Variants in CHD5 observed in about 807,000 individuals in gnomAD.
The protein encoded by CHD5 is chromodomain helicase DNA binding protein 5.
CHD5 carries 69 observed loss-of-function variants against 230.3 expected under a neutral mutation model. The ratio of observed to expected loss-of-function variants is 0.30; its 90% CI spans 0.25 to 0.37. The LOEUF (loss-of-function observed/expected upper bound fraction) is 0.37, where lower values mean the gene tolerates loss of function less well. CHD5 is among the 10% of genes least tolerant of loss of function. The pLI, the probability that CHD5 is intolerant of heterozygous loss-of-function variation, is 1.00. For missense variants in CHD5, 1,827 were observed against 2,622.8 expected (o/e 0.70, Z 6.63); for synonymous variants, 1,064 against 1,065.9 (o/e 1.00, Z 0.03).
chr1:6,124,948 C>T, intron 29 of CHD5, 152 bp downstream of exon 29: 1 of 848,524 alleles, frequency 1.2e-6, no homozygotes, highest in Non-Finnish European at 1.8e-6. Flanking sequence ...GGCACCAGGA[C>T]TCTAGCCACC....
intron 7 of CHD5, among the ~76,000 whole-genome samples, chr1:6,149,709 AATGG>A (rs4068875): frequency 0.089 from 13,378 of 150,752 alleles, 754 homozygotes; most frequent in East Asian, 0.14. Flanking sequence ...TGGATGGACA[AATGG>A]ATGGATGGAT....
At chr1:6,150,917 T>C in intron 7 of CHD5, 115 bp downstream of exon 7, 1 of 1,281,842 alleles carries the variant, frequency 7.8e-7, no homozygotes, top group Non-Finnish European at 1.0e-6. Flanking sequence ...CACGGGGAGG[T>C]TCCATGCCCC....
chr1:6,143,531 G>C (rs374892181), intron 13 of CHD5, among the ~76,000 whole-genome samples: 148 of 152,272 alleles, frequency 9.7e-4, no homozygotes, highest in African/African-American at 3.3e-3. Context: ...ACTGGCCCTC[G>C]TCTCCTCAGG....
rs1666138622 is a variant in CHD5, at chr1:6,105,054, TCGGTAAAGAG to T, written c.*410_*419del. 1.7e-5 allele frequency: 5 copies of T among 292,468 alleles called. No individual in the cohort carries two copies. The highest frequency in any genetic ancestry group is 1.1e-4 in the African/African-American group (5 of 45,024). The allele number at this position is 292,468 out of a possible 1,614,324, so 18.1% of individuals were successfully genotyped here. On this transcript the variant is annotated 3_prime_UTR_variant, in exon 42 of 42. Coordinates refer to ENST00000262450, the MANE Select transcript of CHD5 (RefSeq NM_015557.3). This position sits in a 1 kb window ranked among gnomAD's most constrained non-coding sequence, Gnocchi z 4.8. ...AGGACTACCTTGGGTCTGGAACCCATCGGTAAAGAGACATCAGTGCTGCAGGTTCGAATCT... is the reference window on the plus strand; with the variant it reads ...AGGACTACCTTGGGTCTGGAACCCATACATCAGTGCTGCAGGTTCGAATCT...
At chr1:6,143,001 C>T (rs980101151) in intron 13 of CHD5, among the ~76,000 whole-genome samples, 1 of 152,148 alleles carries the variant, frequency 6.6e-6, no homozygotes, top group Non-Finnish European at 1.5e-5. Flanking sequence ...AAACGAACAT[C>T]CATCTGGGGC....
rs1666870517 is a variant in CHD5 at position 6,143,904 on chromosome 1, C to T, written c.1962G>A (p.Arg654=). 1.2e-6 allele frequency: 2 copies of T among 1,613,992 alleles called. No homozygotes were observed. The change falls in exon 13 of 42, where the codon AGG becomes AGA. Residue 654 remains arginine (R), a synonymous_variant. Transcript: ENST00000262450. ...CCTTCTTGAGCAGCCTCTTGGGCAGCCTGGTGTCTTCTCCCAGCATCAGCT... is the reference window on the plus strand; with the variant it reads ...CCTTCTTGAGCAGCCTCTTGGGCAGTCTGGTGTCTTCTCCCAGCATCAGCT... The part of the protein sequence containing the change: ...HRELMLGEDT[R]LPKRLLKKGK...
chr1:6,120,970 G>T, intron 33 of CHD5, 135 bp downstream of exon 33: 1 of 1,032,136 alleles, frequency 9.7e-7, no homozygotes, highest in Non-Finnish European at 1.3e-6. Context: ...CTCACCAGGG[G>T]GCCTGCAGAG....
At chr1:6,176,995 TG>T (rs760094489) in intron 1 of CHD5, among the ~76,000 whole-genome samples, 1 of 152,218 alleles carries the variant, frequency 6.6e-6, no homozygotes, top group Non-Finnish European at 1.5e-5. Flanking sequence ...ATGCCAGAGC[TG>T]GCCAGGGCAA....
chr1:6,168,427 T>A, intron 1 of CHD5, 150 bp from the exon 2 acceptor site: 1 of 892,208 alleles, frequency 1.1e-6, no homozygotes, highest in Non-Finnish European at 1.7e-6. Context: ...CCCAGTGAAG[T>A]GAGAGAACAC....
chr1:6,113,287 G>C, intron 33 of CHD5: 1 of 418,256 alleles, frequency 2.4e-6, no homozygotes, highest in South Asian at 2.0e-5. Flanking sequence ...AGCTGGGCTT[G>C]GCGCCATGCG....
intron 7 of CHD5, among the ~76,000 whole-genome samples, chr1:6,149,890 T>C (rs966939400): frequency 6.8e-6 from 1 of 147,368 alleles, no homozygotes; most frequent in Non-Finnish European, 1.5e-5. Flanking sequence ...AGTGGATGGA[T>C]AGATGGATGT....
At position 6,130,077 on chromosome 1, in the gene CHD5, G is replaced by A; in HGVS notation, c.3387+127C>T. 1 of 1,105,112 alleles carries A rather than the reference G, an allele frequency of 9.0e-7. No homozygotes were observed. The highest frequency in any genetic ancestry group is 1.3e-6 in the Non-Finnish European group (1 of 754,234). The allele number at this position is 1,105,112 out of a possible 1,614,324, so 68.5% of individuals were successfully genotyped here. A position where few individuals can be genotyped will look rare whatever the true frequency, so the allele number is the denominator to read the frequency against. On this transcript the variant is annotated intron_variant, in intron 22 of 41. Transcript: ENST00000262450. The surrounding 1 kb of genome is among the most constrained non-coding windows in gnomAD (Gnocchi z 4.9). ...CCCTCTTGGGGCCGAGACTCCACGGGGGAGGGAGGCCCACAGCACCAGGAT... is the reference window on the plus strand; with the variant it reads ...CCCTCTTGGGGCCGAGACTCCACGGAGGAGGGAGGCCCACAGCACCAGGAT...
At chr1:6,119,706 T>C (rs747651515) in intron 33 of CHD5, among the ~76,000 whole-genome samples, 2 of 151,654 alleles carry the variant, frequency 1.3e-5, no homozygotes, top group Non-Finnish European at 2.9e-5. Context: ...CGCATATATA[T>C]ATACGTGTGT....
intron 38 of CHD5, among the ~76,000 whole-genome samples, chr1:6,107,521 C>A (rs111063516): frequency 1.8e-5 from 1 of 54,348 alleles, no homozygotes; most frequent in African/African-American, 6.4e-5. Context: ...AGGGATGGAG[C>A]GGTGGAGAGA....
chr1:6,110,004 G>A lies in CHD5; in HGVS notation c.5383-14C>T, dbSNP rs117517551. 22 of 1,516,920 alleles carry A rather than the reference G, an allele frequency of 1.5e-5. No individual in the cohort carries two copies. Among genetic ancestry groups the A allele is most frequent in the East Asian group, 1.4e-4 (6 of 43,120 alleles). 94.0% of individuals were successfully genotyped at this position (1,516,920 alleles called of 1,614,324 possible). A position where few individuals can be genotyped will look rare whatever the true frequency, so the allele number is the denominator to read the frequency against. On this transcript the variant is annotated splice_polypyrimidine_tract_variant and intron_variant, in intron 37 of 41. Transcript: ENST00000262450. ...CTGCTCCAGCAGCTGGGGGCGGGGC[G>A]CAGCGTCGGCCCGGCCCCTCCCGCT... is the stretch of plus-strand genomic sequence containing the variant.
intron 1 of CHD5, among the ~76,000 whole-genome samples, chr1:6,174,244 G>A (rs1667384049): frequency 6.6e-6 from 1 of 152,040 alleles, no homozygotes; most frequent in Non-Finnish European, 1.5e-5. Flanking sequence ...GGGAGAGAGA[G>A]AGACAGGGAA....
rs1666155140 is a variant in CHD5 at position 6,105,890 on chromosome 1, G to A, written c.*46+344C>T. Among the ~76,000 whole-genome samples, 2 of 152,356 alleles carry A rather than the reference G, an allele frequency of 1.3e-5. No homozygotes were observed. The highest frequency in any genetic ancestry group is 2.1e-4 in the South Asian group (1 of 4,828). Reference sequence around the variant, plus strand: ...CCAGCAGGACAGCAGGGGCAGGACAGGGCTCCAGGCGGGGGCAGCAGTCTC... The same window carrying A: ...CCAGCAGGACAGCAGGGGCAGGACAAGGCTCCAGGCGGGGGCAGCAGTCTC... On this transcript the variant is annotated intron_variant, in intron 41 of 41. Coordinates refer to ENST00000262450, the MANE Select transcript of CHD5 (RefSeq NM_015557.3). This position sits in a 1 kb window ranked among gnomAD's most constrained non-coding sequence, Gnocchi z 4.8.
chr1:6,125,935 G>T lies in CHD5; in HGVS notation c.4079-77C>A. 9.7e-7 allele frequency: 1 copy of T among 1,031,058 alleles called. No individual in the cohort carries two copies. The highest frequency in any genetic ancestry group is 1.5e-6 in the Non-Finnish European group (1 of 667,766). 63.9% of individuals were successfully genotyped at this position (1,031,058 alleles called of 1,614,324 possible). A position where few individuals can be genotyped will look rare whatever the true frequency, so the allele number is the denominator to read the frequency against. On this transcript the variant is annotated intron_variant, in intron 26 of 41. Transcript: ENST00000262450. The surrounding 1 kb of genome is among the most constrained non-coding windows in gnomAD (Gnocchi z 6.7). ...ACCCTCAAGTTCAAGCATGCCCAGGGCCACGCCGAGCCCCTGCACCCCAGC... is the reference window on the plus strand; with the variant it reads ...ACCCTCAAGTTCAAGCATGCCCAGGTCCACGCCGAGCCCCTGCACCCCAGC...
intron 1 of CHD5, among the ~76,000 whole-genome samples, chr1:6,173,015 T>A (rs1557565212): frequency 6.6e-6 from 1 of 151,366 alleles, no homozygotes; most frequent in Non-Finnish European, 1.5e-5. Context: ...GAGAACACCA[T>A]CACCAGGTTG....
Sources: allele counts gnomAD v4.1 joint callset (sites outside exome capture counted in the v4.1 genomes callset), GRCh38; gene constraint gnomAD v4.1.1; non-coding constraint Gnocchi (gnomAD v3.1); transcripts MANE v1.5; gene names NCBI Gene and HGNC (gene_info 2026-07-23, HGNC 2026-07-21).